The following GTF3C5 variants were observed in gnomAD, a reference collection of about 807,000 sequenced individuals.
GTF3C5 encodes the protein general transcription factor 3C polypeptide 5.
A neutral mutation model predicts 61.0 loss-of-function variants in GTF3C5; 47 were observed. The ratio of observed to expected loss-of-function variants is 0.77; its 90% confidence interval spans 0.61 to 0.98. GTF3C5 has a LOEUF of 0.98. Among genes scored for constraint, GTF3C5 ranks in the 50% least tolerant of loss-of-function variants. The pLI, the probability that GTF3C5 is intolerant of heterozygous loss-of-function variation, is 0.00. For missense variants in GTF3C5, 659 were observed against 703.3 expected (o/e 0.94, Z 0.71); for synonymous variants, 295 against 275.4 (o/e 1.07, Z -0.71).
chr9:133,047,485 C>T (rs1850241736), intron 3 of GTF3C5, among the ~76,000 whole-genome samples: 1 of 151,838 alleles, frequency 6.6e-6, no homozygotes, highest in Admixed American at 6.6e-5. Flanking sequence ...GTATTGTACT[C>T]ACTATAAGAG....
At position 133,058,331 on chromosome 9, in the gene GTF3C5, G is replaced by C. The variant is rs145932630; in HGVS notation, c.*351G>C. 29 of 245,790 alleles carry C rather than the reference G, an allele frequency of 1.2e-4. No individual in the cohort carries two copies. Among genetic ancestry groups the C allele is most frequent in the Non-Finnish European group, 1.7e-4 (23 of 132,948 alleles). 15.2% of individuals were successfully genotyped at this position (245,790 alleles called of 1,614,324 possible). On this transcript the variant is annotated 3_prime_UTR_variant, in exon 11 of 11. Coordinates refer to ENST00000372097, the MANE Select transcript of GTF3C5 (RefSeq NM_012087.4). ...GGCAGCTGTGGAGCCCCAGGCCACA[G>C]GCCAGTCTCGCTTGGCTCTCATGAC...
chr9:133,030,946 T>C (rs1588457867), upstream of GTF3C5: 6 of 1,552,700 alleles, frequency 3.9e-6, no homozygotes, highest in Non-Finnish European at 5.3e-6. Flanking sequence ...CGCGGAACAA[T>C]TGAGGCGAGG....
Position 133,056,837 on chromosome 9 carries a change from C to T in GTF3C5, c.1322C>T (p.Pro441Leu), listed in dbSNP as rs1318391076. 9 of 1,612,274 alleles carry T rather than the reference C, an allele frequency of 5.6e-6. No homozygotes were observed. Among genetic ancestry groups the T allele is most frequent in the Admixed American group, 1.7e-5 (1 of 59,802 alleles). The part of the protein sequence containing the change: ...SCTERDGWCL[P>L]KTSDELRDTM... ...ACAGAACGGGATGGGTGGTGCCTCC[C>T]CAAGACCAGCGACGAGCTCAGGGAC... Residue 441 changes from proline to leucine, a missense_variant, in exon 10 of 11, where the codon CCC becomes CTC. By Grantham distance (98) the Pro-to-Leu change is moderately conservative. Coordinates refer to ENST00000372097, the MANE Select transcript of GTF3C5 (RefSeq NM_012087.4).
chr9:133,031,969 G>A (rs911888745), intron 1 of GTF3C5, among the ~76,000 whole-genome samples: 1 of 152,098 alleles, frequency 6.6e-6, no homozygotes, highest in Non-Finnish European at 1.5e-5. Flanking sequence ...AAAGAACGAG[G>A]GGTTAAACTT....
intron 4 of GTF3C5, among the ~76,000 whole-genome samples, chr9:133,051,728 G>A (rs1397546364): frequency 2.0e-5 from 3 of 152,208 alleles, no homozygotes; most frequent in African/African-American, 2.4e-5. Flanking sequence ...GGGGCAGCAT[G>A]GGGACCCTGG....
At chr9:133,030,907 A>G (rs1019669375), upstream of GTF3C5, 1 of 1,311,516 alleles carries the variant, frequency 7.6e-7, no homozygotes, top group African/African-American at 1.5e-5. Context: ...GGATGACGCG[A>G]GCGGTGAGGG....
In GTF3C5 at chr9:133,049,290, C is replaced by T. The variant is rs530300590; in HGVS notation, c.573-1493C>T. Among the ~76,000 whole-genome samples, 16 of 152,306 alleles carry T rather than the reference C, an allele frequency of 1.1e-4. No individual in the cohort carries two copies. In the South Asian group the frequency reaches 1.4e-3, roughly 14 times the overall value. On this transcript the variant is annotated intron_variant, in intron 3 of 10. Coordinates refer to ENST00000372097, the MANE Select transcript of GTF3C5 (RefSeq NM_012087.4). ...TGGGCTGCTCTTGCAGGTGACCACCCGGTTTTCCTGGGGAACATCTTTGAA... is the reference window on the plus strand; with the variant it reads ...TGGGCTGCTCTTGCAGGTGACCACCTGGTTTTCCTGGGGAACATCTTTGAA...
In GTF3C5 at chr9:133,055,497, G is replaced by A. The variant is rs80171868; in HGVS notation, c.1168-515G>A. On this transcript the variant is annotated intron_variant, in intron 8 of 10. Coordinates refer to ENST00000372097, the MANE Select transcript of GTF3C5 (RefSeq NM_012087.4). The stretch of plus-strand genomic sequence containing the variant: ...GGGGCGATCATGCCACAGCCTGTGC[G>A]GCCTTCCTTCTCGAGGCCTCTCCTA... The A allele has an allele frequency of 5.0e-3, 6,007 of 1,200,522 alleles. 242 individuals carry two copies. In the African/African-American group the frequency reaches 0.084, roughly 17 times the overall value. 74.4% of individuals were successfully genotyped at this position (1,200,522 alleles called of 1,614,324 possible).
At chr9:133,051,316 G>A (rs1232108711) in intron 4 of GTF3C5, among the ~76,000 whole-genome samples, 1 of 152,216 alleles carries the variant, frequency 6.6e-6, no homozygotes, top group East Asian at 1.9e-4. Flanking sequence ...AGTGTGCCAG[G>A]CCCAGCACTT....
In GTF3C5 at chr9:133,056,010, A is replaced by G; in HGVS notation, c.1168-2A>G. 6.2e-7 allele frequency: 1 copy of G among 1,614,046 alleles called. No individual in the cohort carries two copies. The highest frequency in any genetic ancestry group is 8.5e-7 in the Non-Finnish European group (1 of 1,179,926). ...CCTGTCTCTCTCCCCCTTTGTCACC[A>G]GGACTCTGTCTACATCTTCCGGGAA... is the stretch of plus-strand genomic sequence containing the variant. On this transcript the variant is annotated splice_acceptor_variant, in intron 8 of 10. Coordinates refer to ENST00000372097, the MANE Select transcript of GTF3C5 (RefSeq NM_012087.4). LOFTEE classifies it high-confidence loss of function.
In GTF3C5 at chr9:133,053,877, G is replaced by A. The variant is rs763112028; in HGVS notation, c.923G>A (p.Arg308Gln). Residue 308 changes from arginine to glutamine, a missense_variant, in exon 6 of 11, where the codon CGA (arginine) becomes CAA (glutamine). By Grantham distance (43) the Arg-to-Gln change is conservative. Coordinates refer to ENST00000372097, the MANE Select transcript of GTF3C5 (RefSeq NM_012087.4). ...TGGATTCGATTTGGGTATGACCCCC[G>A]AAAAAACCCAGATGCCAAGATTTAT... ...SLWIRFGYDP[R>Q]KNPDAKIYQV... is the part of the protein sequence containing the mutation. 5.6e-6 allele frequency: 9 copies of A among 1,613,302 alleles called. No individual in the cohort carries two copies. The highest frequency in any genetic ancestry group is 2.2e-5 in the East Asian group (1 of 44,866).
rs1241874630 is a variant in GTF3C5, at chr9:133,054,451, C to T, written c.1032C>T (p.Thr344=). The T allele has an allele frequency of 1.2e-6, 2 of 1,614,084 alleles. No homozygotes were observed. The highest frequency in any genetic ancestry group is 1.3e-5 in the African/African-American group (1 of 74,956). ...TGCCGGTCAAAGCAAAGCGCAGCAC[C>T]TACAACTACAGCCTCCCCATCACCG... is the stretch of plus-strand genomic sequence containing the variant. ...SDLPVKAKRS[T]YNYSLPITVK... Residue 344 remains threonine (T), a synonymous_variant, in exon 7 of 11, where the codon ACC becomes ACT. Coordinates refer to ENST00000372097, the MANE Select transcript of GTF3C5 (RefSeq NM_012087.4).
intron 3 of GTF3C5, among the ~76,000 whole-genome samples, chr9:133,047,026 C>T (rs934505010): frequency 6.6e-6 from 1 of 152,104 alleles, no homozygotes; most frequent in African/African-American, 2.4e-5. Context: ...CTAGTAGCCC[C>T]CACGTGCCCA....
chr9:133,033,955 G>A (rs570048637), intron 1 of GTF3C5, among the ~76,000 whole-genome samples: 4 of 152,164 alleles, frequency 2.6e-5, no homozygotes, highest in African/African-American at 4.8e-5. Context: ...GGTCCCATAC[G>A]TTCCCTGGAC....
Position 133,058,049 on chromosome 9 carries a change from C to G in GTF3C5, c.*69C>G. ...CTGGCCTAATGAGGGAGCCGGGGCT[C>G]CCCATTGCCACCCACAGTGCCCGGA... is the stretch of plus-strand genomic sequence containing the variant. On this transcript the variant is annotated 3_prime_UTR_variant, in exon 11 of 11. Transcript: ENST00000372097. 6.3e-7 allele frequency: 1 copy of G among 1,594,774 alleles called. No individual in the cohort carries two copies.
At chr9:133,055,210 C>T (rs1829896325) in intron 8 of GTF3C5, 2 of 1,520,970 alleles carry the variant, frequency 1.3e-6, no homozygotes, top group Non-Finnish European at 1.8e-6. Flanking sequence ...GCCTCACTGG[C>T]TCACGTTTCC....
At chr9:133,044,925 G>A (rs527779121) in intron 3 of GTF3C5, among the ~76,000 whole-genome samples, 1 of 128,340 alleles carries the variant, frequency 7.8e-6, no homozygotes, top group Admixed American at 9.4e-5. Flanking sequence ...CACAGGCTCC[G>A]TGCACAGCCT....
At chr9:133,043,961 T>A in intron 3 of GTF3C5, 35 bp downstream of exon 3, 2 of 1,522,476 alleles carry the variant, frequency 1.3e-6, no homozygotes, top group Non-Finnish European at 1.8e-6. Context: ...CGGTTCTCTA[T>A]CCTGAAAATG....
In GTF3C5 at chr9:133,033,496, A is replaced by G. The variant is rs185871272; in HGVS notation, c.153+2332A>G. Among the ~76,000 whole-genome samples, 156 of 152,328 alleles carry G rather than the reference A, an allele frequency of 1.0e-3. No individual in the cohort carries two copies. In the South Asian group the frequency reaches 0.011, roughly 10 times the overall value. On this transcript the variant is annotated intron_variant, in intron 1 of 10. Transcript: ENST00000372097. ...CTCACTGCATCCTGTTAGGTCCCCA[A>G]GGAATGCCAAATTTTCCCTGTCACA...
Sources: allele counts gnomAD v4.1 joint callset (sites outside exome capture counted in the v4.1 genomes callset), GRCh38; gene constraint gnomAD v4.1.1; transcripts MANE v1.5; gene names NCBI Gene and HGNC (gene_info 2026-07-23, HGNC 2026-07-21).